PLSCR2: variants seen among roughly 807,000 people sequenced by gnomAD.
PLSCR2 encodes the protein PL scramblase 2.
PLSCR2 carries 18 observed loss-of-function variants against 25.3 expected under a neutral mutation model. The observed-to-expected ratio is 0.71, with a 90% confidence interval of 0.49 to 1.06. PLSCR2 has a LOEUF of 1.06. Among genes scored for constraint, PLSCR2 ranks in the 50% least tolerant of loss-of-function variants. PLSCR2 has a pLI of 0.00. For missense variants in PLSCR2, 243 were observed against 269.5 expected, an observed-to-expected ratio of 0.90 and a Z score of 0.69; for synonymous variants, 88 against 87.3, an observed-to-expected ratio of 1.01 and a Z score of -0.04.
At position 146,392,343 on chromosome 3, in the gene PLSCR2, T is replaced by G. The variant is rs528769900; in HGVS notation, c.*146-781A>C. Among the ~76,000 whole-genome samples the G allele has an allele frequency of 1.7e-3, 258 of 152,232 alleles. 1 individual carries two copies. Among genetic ancestry groups the G allele is most frequent in the African/African-American group, 5.9e-3 (244 of 41,576 alleles). ...TGATTCCTTAAATCTTCATCAGCAT[T>G]GAGCATACATCATTAGAAATAAAAA... On this transcript the variant is annotated intron_variant and NMD_transcript_variant, in intron 3 of 3. Coordinates refer to the PLSCR2 transcript ENST00000463633.
chr3:146,468,496 G>C (rs1014334137), intron 1 of PLSCR2, among the ~76,000 whole-genome samples: 3 of 152,208 alleles, frequency 2.0e-5, no homozygotes, highest in African/African-American at 7.2e-5. Context: ...ATGGGAACCA[G>C]AGAGTCAGCT....
downstream of PLSCR2, among the ~76,000 whole-genome samples, chr3:146,440,104 G>T (rs1667920493): frequency 6.6e-6 from 1 of 152,176 alleles, no homozygotes; most frequent in Non-Finnish European, 1.5e-5. Flanking sequence ...TTGCAGAACG[G>T]CAAATGTTGC....
At chr3:146,463,192 T>G (rs1213390975), upstream of PLSCR2, among the ~76,000 whole-genome samples, 1 of 152,186 alleles carries the variant, frequency 6.6e-6, no homozygotes, top group Non-Finnish European at 1.5e-5. Context: ...GTATTTCTTT[T>G]TTTTCTTTTT....
chr3:146,434,987 A>G (rs1330430552), intron 8 of PLSCR2, among the ~76,000 whole-genome samples: 2 of 134,120 alleles, frequency 1.5e-5, no homozygotes, highest in African/African-American at 5.7e-5. Context: ...TGTTCTCATT[A>G]TTCAATTCCC....
chr3:146,430,662 C>G (rs1292148970), downstream of PLSCR2, among the ~76,000 whole-genome samples: 1 of 152,114 alleles, frequency 6.6e-6, no homozygotes, highest in Non-Finnish European at 1.5e-5. Context: ...TGCCAGGAGT[C>G]CACACAGTGA....
chr3:146,441,781 C>T (rs1459129317), exon 7 of PLSCR2: 2 of 1,585,282 alleles, frequency 1.3e-6, no homozygotes, highest in Middle Eastern at 1.7e-4. Context: ...CACACTCTGA[C>T]ATTCCAGTCA....
chr3:146,473,132 C>A (rs2042171094), intron 1 of PLSCR2, among the ~76,000 whole-genome samples: 1 of 152,086 alleles, frequency 6.6e-6, no homozygotes, highest in Non-Finnish European at 1.5e-5. Context: ...CTGTGTCTTG[C>A]AAAATGATTT....
chr3:146,450,979 T>C, intron 5 of PLSCR2, among the ~76,000 whole-genome samples: 1 of 151,850 alleles, frequency 6.6e-6, no homozygotes, highest in South Asian at 2.1e-4. Context: ...TTATAAAGTA[T>C]AGATAATTTT....
intron 2 of PLSCR2, among the ~76,000 whole-genome samples, chr3:146,409,262 C>T (rs541239521): frequency 3.3e-5 from 5 of 151,998 alleles, no homozygotes; most frequent in South Asian, 4.2e-4. Flanking sequence ...CAATGGGTGG[C>T]GAGCCCACAG....
chr3:146,474,049 A>C (rs748040336), intron 1 of PLSCR2, among the ~76,000 whole-genome samples: 2 of 152,186 alleles, frequency 1.3e-5, no homozygotes, highest in African/African-American at 4.8e-5. Flanking sequence ...AGATTTGGCT[A>C]AAGAAGAGTC....
chr3:146,428,819 T>A (rs1309881886), downstream of PLSCR2, among the ~76,000 whole-genome samples: 1 of 152,348 alleles, frequency 6.6e-6, no homozygotes, highest in South Asian at 2.1e-4. Flanking sequence ...TAATCAATAT[T>A]CATCATGGGG....
chr3:146,399,448 C>G (rs2038384943), intron 2 of PLSCR2, among the ~76,000 whole-genome samples: 1 of 151,802 alleles, frequency 6.6e-6, no homozygotes, highest in African/African-American at 2.4e-5. Context: ...TGTTAAAACA[C>G]ACACACATAT....
At chr3:146,415,572 T>C (rs2038983076) in intron 2 of PLSCR2, among the ~76,000 whole-genome samples, 1 of 152,150 alleles carries the variant, frequency 6.6e-6, no homozygotes, top group African/African-American at 2.4e-5. Flanking sequence ...TATCATAATT[T>C]ATGACAAGTT....
chr3:146,491,681 A>T (rs1185984183), intron 1 of PLSCR2, among the ~76,000 whole-genome samples: 1 of 152,118 alleles, frequency 6.6e-6, no homozygotes, highest in Non-Finnish European at 1.5e-5. Flanking sequence ...CCTGAAGTGA[A>T]TTTTTTATTT....
chr3:146,452,489 A>G (rs1473201454), intron 5 of PLSCR2, among the ~76,000 whole-genome samples: 1 of 152,220 alleles, frequency 6.6e-6, no homozygotes, highest in Non-Finnish European at 1.5e-5. Flanking sequence ...GGAGCACTAT[A>G]TAATTCAAAA....
At chr3:146,419,983 T>C (rs1417593347) in intron 2 of PLSCR2, among the ~76,000 whole-genome samples, 1 of 152,110 alleles carries the variant, frequency 6.6e-6, no homozygotes, top group African/African-American at 2.4e-5. Context: ...AATCACATTA[T>C]GGCTACTGTA....
At chr3:146,481,073 G>A (rs897664137) in intron 1 of PLSCR2, among the ~76,000 whole-genome samples, 18 of 152,190 alleles carry the variant, frequency 1.2e-4, no homozygotes, top group Admixed American at 9.8e-4. Flanking sequence ...GGTATTGATG[G>A]TACGTATCTC....
intron 8 of PLSCR2, among the ~76,000 whole-genome samples, chr3:146,436,171 T>C (rs1213727095): frequency 6.6e-6 from 1 of 152,260 alleles, no homozygotes; most frequent in Non-Finnish European, 1.5e-5. Flanking sequence ...TTTTGGTTAC[T>C]GTAGCCTTGT....
chr3:146,477,043 C>T (rs2042312030), intron 1 of PLSCR2, among the ~76,000 whole-genome samples: 3 of 152,326 alleles, frequency 2.0e-5, no homozygotes, highest in South Asian at 2.1e-4. Flanking sequence ...GATCTCATGC[C>T]TCCCAGCTGG....
Sources: gnomAD v4.1 joint callset for allele counts (sites outside exome capture counted in the v4.1 genomes callset) on GRCh38, gnomAD v4.1.1 for gene constraint, MANE v1.5 for transcripts, NCBI Gene and HGNC (gene_info 2026-07-23, HGNC 2026-07-21) for gene names.